The following EYA4 variants were observed in gnomAD, a reference collection of about 807,000 sequenced individuals.
The protein encoded by EYA4 is EYA transcriptional coactivator and phosphatase 4, also known as protein phosphatase EYA4.
In EYA4, 31 loss-of-function variants were observed where a neutral mutation model predicts 87.9. The observed-to-expected ratio is 0.35, with a 90% CI of 0.27 to 0.48. The LOEUF (loss-of-function observed/expected upper bound fraction) is 0.48. EYA4 is among the 20% of genes least tolerant of loss of function. EYA4 has a pLI of 0.99. For missense variants in EYA4, 678 were observed against 761.4 expected, an observed-to-expected ratio of 0.89 and a Z score of 1.29; for synonymous variants, 263 against 270.6, an observed-to-expected ratio of 0.97 and a Z score of 0.28.
intron 3 of EYA4, among the ~76,000 whole-genome samples, chr6:133,422,164 G>A (rs764117396): frequency 2.6e-4 from 40 of 152,046 alleles, no homozygotes; most frequent in Non-Finnish European, 4.4e-4. Context: ...ACTATAGATC[G>A]TAAAAATAAA....
intron 2 of EYA4, among the ~76,000 whole-genome samples, chr6:133,276,604 G>A (rs1477012714): frequency 3.3e-5 from 5 of 152,152 alleles, no homozygotes; most frequent in Admixed American, 3.3e-4. Context: ...AGTTTCCAGT[G>A]ATGCTAGTGA....
At chr6:133,406,184 T>A (rs1275192461) in intron 3 of EYA4, among the ~76,000 whole-genome samples, 1 of 152,194 alleles carries the variant, frequency 6.6e-6, no homozygotes, top group Non-Finnish European at 1.5e-5. Context: ...GGTTCTATCT[T>A]AGGTATTTTA....
At chr6:133,384,108 C>A (rs553634422) in intron 3 of EYA4, among the ~76,000 whole-genome samples, 54 of 152,196 alleles carry the variant, frequency 3.5e-4, no homozygotes, top group Admixed American at 1.1e-3. Context: ...GATTTTTGGG[C>A]AGATAATACT....
chr6:133,317,244 A>G (rs925998641), intron 2 of EYA4, among the ~76,000 whole-genome samples: 3 of 152,176 alleles, frequency 2.0e-5, no homozygotes, highest in African/African-American at 7.2e-5. Flanking sequence ...TGTAATTACC[A>G]CAGGACAGGT....
chr6:133,273,097 G>GTGTGTATATATATATATATA (rs142020137), intron 1 of EYA4, among the ~76,000 whole-genome samples: 10 of 106,638 alleles, frequency 9.4e-5, no homozygotes, highest in African/African-American at 3.2e-4. Context: ...ATATATATAT[G>GTGTGTATATATATATATATA]TATATATATA....
chr6:133,490,393 C>CAAA (rs58462211), intron 13 of EYA4, among the ~76,000 whole-genome samples: 4,734 of 145,704 alleles, frequency 0.032, 232 homozygotes, highest in East Asian at 0.17. Flanking sequence ...TAAAAAAAAA[C>CAAA]AAAAAAAAAC....
At chr6:133,456,696 C>A (rs1234285565) in intron 6 of EYA4, 48 bp downstream of exon 6, 1 of 1,094,554 alleles carries the variant, frequency 9.1e-7, no homozygotes. Context: ...GGGGTGCATC[C>A]ACATCCTCCT....
intron 1 of EYA4, among the ~76,000 whole-genome samples, chr6:133,251,816 T>C (rs560089047): frequency 6.6e-6 from 1 of 152,312 alleles, no homozygotes; most frequent in Non-Finnish European, 1.5e-5. Flanking sequence ...CTTAATATCA[T>C]TTGATATAGT....
intron 11 of EYA4, among the ~76,000 whole-genome samples, chr6:133,474,814 T>C (rs1046115297): frequency 6.6e-6 from 1 of 152,182 alleles, no homozygotes; most frequent in African/African-American, 2.4e-5. Context: ...TATTTCCCAT[T>C]GACTGGTTCT....
chr6:133,457,083 T>TA (rs34244869), intron 6 of EYA4, among the ~76,000 whole-genome samples: 3,439 of 152,188 alleles, frequency 0.023, 122 homozygotes, highest in African/African-American at 0.079. Context: ...TCTCTGGGTT[T>TA]AAAAAACTCC....
intron 2 of EYA4, among the ~76,000 whole-genome samples, chr6:133,332,059 A>G (rs759731753): frequency 1.3e-5 from 2 of 152,214 alleles, no homozygotes; most frequent in Non-Finnish European, 1.5e-5. Context: ...TGGGAACTCA[A>G]CAGTTTCCCG....
intron 11 of EYA4, among the ~76,000 whole-genome samples, chr6:133,469,610 T>C (rs998011545): frequency 1.3e-5 from 2 of 151,934 alleles, no homozygotes; most frequent in African/African-American, 4.8e-5. Flanking sequence ...GAATAGTTTT[T>C]TTCAACAAAT....
At chr6:133,522,568 G>C (rs924552268) in intron 17 of EYA4, among the ~76,000 whole-genome samples, 3 of 152,032 alleles carry the variant, frequency 2.0e-5, no homozygotes, top group South Asian at 2.1e-4. Flanking sequence ...TTCTCCAGAT[G>C]GTTAAATAAT....
intron 11 of EYA4, among the ~76,000 whole-genome samples, chr6:133,477,583 T>TAA (rs1161404908): frequency 1.3e-5 from 2 of 152,060 alleles, no homozygotes; most frequent in East Asian, 1.9e-4. Context: ...GACTCTTTTA[T>TAA]AAGTAGAAGC....
intron 1 of EYA4, among the ~76,000 whole-genome samples, chr6:133,242,783 C>T (rs1774066712): frequency 6.6e-6 from 1 of 152,198 alleles, no homozygotes; most frequent in African/African-American, 2.4e-5. Context: ...TAATTTTTGT[C>T]ATCTCTTCCC....
chr6:133,506,173 A>C lies in EYA4; in HGVS notation c.1259A>C (p.His420Pro). ...ATGATTTTTAATCTTGCTGATACTC[A>C]TTTGTTTTTTAATGATTTAGAGGTA... ...EEMIFNLADTHLFFNDLEECD... is the reference protein window; with the variant it reads ...EEMIFNLADTPLFFNDLEECD... The change falls in exon 14 of 20, where the codon CAT (histidine) becomes CCT (proline). Residue 420 changes from histidine (H) to proline (P), a missense_variant. Physicochemically the swap from His to Pro is moderately conservative, Grantham distance 77. Transcript: ENST00000355286. The C allele has an allele frequency of 1.2e-6, 2 of 1,606,292 alleles. No individual in the cohort carries two copies. The highest frequency in any genetic ancestry group is 1.7e-6 in the Non-Finnish European group (2 of 1,173,062).
At chr6:133,312,672 T>C (rs1004401924) in intron 2 of EYA4, among the ~76,000 whole-genome samples, 5 of 152,220 alleles carry the variant, frequency 3.3e-5, no homozygotes, top group African/African-American at 1.2e-4. Context: ...ATCATTTTGA[T>C]ATTCTTCCTC....
At chr6:133,313,052 G>A (rs528390445) in intron 2 of EYA4, among the ~76,000 whole-genome samples, 1 of 152,146 alleles carries the variant, frequency 6.6e-6, no homozygotes, top group East Asian at 1.9e-4. Flanking sequence ...TTCTTAGTAA[G>A]CAGGTTCTCT....
At chr6:133,343,034 G>A (rs1782920207) in intron 2 of EYA4, among the ~76,000 whole-genome samples, 1 of 152,184 alleles carries the variant, frequency 6.6e-6, no homozygotes, top group Non-Finnish European at 1.5e-5. Context: ...ACAGATCAAT[G>A]GCTATTGGAG....
Sources: gnomAD v4.1 joint callset for allele counts (sites outside exome capture counted in the v4.1 genomes callset) on GRCh38, gnomAD v4.1.1 for gene constraint, MANE v1.5 for transcripts, NCBI Gene and HGNC (gene_info 2026-07-23, HGNC 2026-07-21) for gene names.